ZNF207: variants seen among roughly 807,000 people sequenced by gnomAD.
The protein encoded by ZNF207 is zinc finger protein 207, also known as BUB3-interacting and GLEBS motif-containing protein ZNF207.
ZNF207 carries 24 observed loss-of-function variants against 60.2 expected under a neutral mutation model. That is an observed-to-expected ratio of 0.40 (90% CI 0.29 to 0.56). The LOEUF is 0.56. ZNF207 is among the 20% of genes least tolerant of loss of function. The pLI is 0.49. For missense variants in ZNF207, 452 were observed against 636.6 expected (o/e 0.71, Z 3.12); for synonymous variants, 236 against 194.7 (o/e 1.21, Z -1.77).
chr17:32,350,763 TA>T (rs2041488625), intron 1 of ZNF207: 1 of 157,878 alleles, frequency 6.3e-6, no homozygotes, highest in African/African-American at 2.4e-5. Flanking sequence ...TTATTTACTT[TA>T]TGTGTGTTTT....
At chr17:32,368,053 T>A in intron 10 of ZNF207, 39 bp downstream of exon 10, 1 of 1,611,176 alleles carries the variant, frequency 6.2e-7, no homozygotes, top group Non-Finnish European at 8.5e-7. Context: ...GCATTTGATT[T>A]AAAGCCATTA....
Position 32,381,593 on chromosome 17 carries a change from G to A in ZNF207, c.*11834G>A, listed in dbSNP as rs910104470. 6.6e-6 allele frequency: 1 copy of A among 152,144 alleles called. No homozygotes were observed. The highest frequency in any genetic ancestry group is 1.9e-4 in the East Asian group (1 of 5,186). The allele number at this position is 152,144 out of a possible 1,614,324, so 9.4% of individuals were successfully genotyped here. Reference sequence around the variant, plus strand: ...GATCTGAGATGTTCCTTAACATGTAGCCATGTAATTAGAACTCACAAGGGG... The same window carrying A: ...GATCTGAGATGTTCCTTAACATGTAACCATGTAATTAGAACTCACAAGGGG... On this transcript the variant is annotated 3_prime_UTR_variant, in exon 12 of 12. Transcript: ENST00000394670.
rs1283598569 is a variant in ZNF207 at position 32,377,209 on chromosome 17, G to A, written c.*7450G>A. On this transcript the variant is annotated 3_prime_UTR_variant, in exon 12 of 12. Transcript: ENST00000394670. ...GTAATGGCATTCTTGCTCATGATTT[G>A]CATTTGTTAGTGAGGTCTCACCATA... is the stretch of plus-strand genomic sequence containing the variant. The A allele has an allele frequency of 1.3e-5, 2 of 151,904 alleles. No homozygotes were observed. The highest frequency in any genetic ancestry group is 2.9e-5 in the Non-Finnish European group (2 of 67,874). 9.4% of individuals were successfully genotyped at this position (151,904 alleles called of 1,614,324 possible). A position where few individuals can be genotyped will look rare whatever the true frequency, so the allele number is the denominator to read the frequency against.
rs2150795170 is a variant in ZNF207 at position 32,361,043 on chromosome 17, GA to G, written c.551+79del. The G allele has an allele frequency of 4.7e-6, 7 of 1,475,790 alleles. No homozygotes were observed. In the East Asian group the frequency reaches 1.6e-4, roughly 34 times the overall value. The allele number at this position is 1,475,790 out of a possible 1,614,324, so 91.4% of individuals were successfully genotyped here. A position where few individuals can be genotyped will look rare whatever the true frequency, so the allele number is the denominator to read the frequency against. ...TTTTCAATTTGGATGTTATATGAATGAAATGTTACTTTCCATTTTTTGCTTC... is the reference window on the plus strand; with the variant it reads ...TTTTCAATTTGGATGTTATATGAATGAATGTTACTTTCCATTTTTTGCTTC... On this transcript the variant is annotated intron_variant, in intron 5 of 11. Coordinates refer to ENST00000394670, the MANE Select transcript of ZNF207 (RefSeq NM_001098507.2).
intron 2 of ZNF207, among the ~76,000 whole-genome samples, chr17:32,352,371 C>G (rs563151530): frequency 1.3e-5 from 2 of 150,664 alleles, no homozygotes; most frequent in African/African-American, 2.4e-5. Context: ...TTAAAAAAAA[C>G]AAAAAATTTG....
At chr17:32,367,250 T>TAC (rs1410765617) in intron 9 of ZNF207, among the ~76,000 whole-genome samples, 9 of 85,796 alleles carry the variant, frequency 1.0e-4, no homozygotes, top group Admixed American at 3.4e-4. Context: ...TATATATATA[T>TAC]ATATATATAT....
chr17:32,365,814 CTGAA>C (rs1905137619), intron 8 of ZNF207, among the ~76,000 whole-genome samples: 1 of 146,722 alleles, frequency 6.8e-6, no homozygotes, highest in Non-Finnish European at 1.5e-5. Context: ...ACTGACTAAA[CTGAA>C]TGGAAGGACA....
intron 8 of ZNF207, among the ~76,000 whole-genome samples, chr17:32,365,811 A>G (rs1242630456): frequency 6.6e-6 from 1 of 151,454 alleles, no homozygotes; most frequent in Admixed American, 6.6e-5. Flanking sequence ...TTTACTGACT[A>G]AACTGAATGG....
rs746944466 is a variant in ZNF207, at chr17:32,363,529, CTTTTTT to C, written c.670+568_670+573del. ...ACAAGTAATAGAGAAATCCAACAAA[CTTTTTT>C]TTTTTTTTTTTTTTTTTTTTTTGAG... On this transcript the variant is annotated intron_variant, in intron 7 of 11. Transcript: ENST00000394670. 2.6e-3 allele frequency among the ~76,000 whole-genome samples: 183 copies of C among 69,586 alleles called. 2 individuals carry two copies. The highest frequency in any genetic ancestry group is 0.014 in the Middle Eastern group (1 of 74). The allele number at this position is 69,586 out of a possible 152,430, so 45.7% of individuals were successfully genotyped here. A position where few individuals can be genotyped will look rare whatever the true frequency, so the allele number is the denominator to read the frequency against.
rs1264137767 is a variant in ZNF207, at chr17:32,359,382, A to G, written c.307+741A>G. ...CGCCTCGGCCTCCCAAAGTGCTGGG[A>G]TTACAGATGTGAGTCACCACACCTG... On this transcript the variant is annotated intron_variant, in intron 3 of 11. Coordinates refer to ENST00000394670, the MANE Select transcript of ZNF207 (RefSeq NM_001098507.2). 4.6e-5 allele frequency among the ~76,000 whole-genome samples: 7 copies of G among 151,760 alleles called. No homozygotes were observed. In the East Asian group the frequency reaches 1.4e-3, roughly 30 times the overall value.
In ZNF207 at chr17:32,350,199, C is replaced by G; in HGVS notation, c.-87C>G. ...TGCTTCCTGTGGGACGTGGTGGTAG[C>G]CGTTGGGTTGGGAAAGTGAGGGATT... On this transcript the variant is annotated 5_prime_UTR_variant, in exon 1 of 12. Transcript: ENST00000394670. 1.3e-6 allele frequency: 2 copies of G among 1,582,408 alleles called. No homozygotes were observed.
chr17:32,350,360 TG>T (rs1407769868), intron 1 of ZNF207, 34 bp downstream of exon 1: 1 of 1,613,820 alleles, frequency 6.2e-7, no homozygotes, highest in African/African-American at 1.3e-5. Context: ...GAGGTCGCGT[TG>T]GGGTGCCGGT....
chr17:32,360,512 C>T (rs796218504), intron 3 of ZNF207, 86 bp from the exon 4 acceptor site: 3 of 1,264,868 alleles, frequency 2.4e-6, no homozygotes, highest in African/African-American at 3.0e-5. Flanking sequence ...AGTAATTTTA[C>T]CCATATATGT....
chr17:32,361,394 AGGTATAC>A, intron 5 of ZNF207, 67 bp from the exon 6 acceptor site: 2 of 1,254,470 alleles, frequency 1.6e-6, no homozygotes, highest in Non-Finnish European at 2.3e-6. Flanking sequence ...TGGATGTGAG[AGGTATAC>A]AATACACTTT....
At chr17:32,356,670 A>G (rs1194766051) in intron 2 of ZNF207, among the ~76,000 whole-genome samples, 5 of 152,222 alleles carry the variant, frequency 3.3e-5, no homozygotes, top group Admixed American at 3.3e-4. Flanking sequence ...TGCTTCTCAA[A>G]CTTGAGCATG....
At chr17:32,351,429 T>C (rs1597750338) in intron 1 of ZNF207, 1 of 1,325,138 alleles carries the variant, frequency 7.5e-7, no homozygotes, top group East Asian at 3.4e-5. Context: ...GACAGAACCT[T>C]AGGGATTTCT....
chr17:32,368,256 A>G, intron 10 of ZNF207: 1 of 538,526 alleles, frequency 1.9e-6, no homozygotes, highest in Non-Finnish European at 3.2e-6. Flanking sequence ...AAAAGAAGAC[A>G]GTAAGTCAGG....
At chr17:32,351,672 C>T in intron 1 of ZNF207, 114 bp from the exon 2 acceptor site, 1 of 1,598,020 alleles carries the variant, frequency 6.3e-7, no homozygotes, top group East Asian at 2.3e-5. Flanking sequence ...AGCAGAGTTT[C>T]TATACAGTAC....
chr17:32,369,677 T>G lies in ZNF207; in HGVS notation c.1403T>G (p.Met468Arg). Residue 468 changes from methionine (M) to arginine (R), a missense_variant, in exon 12 of 12, where the codon ATG becomes AGG. Coordinates refer to ENST00000394670, the MANE Select transcript of ZNF207 (RefSeq NM_001098507.2). ...AMPPYGQGPP[M>R]VPPYQGGPPR... is the part of the protein sequence containing the mutation. ...CCCCCGTATGGGCAGGGACCGCCAA[T>G]GGTGCCCCCTTACCAGGGTGGGCCT... 1 of 1,599,614 alleles carries G rather than the reference T, an allele frequency of 6.3e-7. No individual in the cohort carries two copies. Among genetic ancestry groups the G allele is most frequent in the South Asian group, 1.1e-5 (1 of 88,726 alleles).
Sources: gnomAD v4.1 joint callset for allele counts (sites outside exome capture counted in the v4.1 genomes callset) on GRCh38, gnomAD v4.1.1 for gene constraint, MANE v1.5 for transcripts, NCBI Gene and HGNC (gene_info 2026-07-23, HGNC 2026-07-21) for gene names.